SH3GL2: variants seen among roughly 807,000 people sequenced by gnomAD.
The protein encoded by SH3GL2 is endophilin-A1.
In SH3GL2, 24 loss-of-function variants were observed where a neutral mutation model predicts 46.0. The ratio of observed to expected loss-of-function variants is 0.52; its 90% CI spans 0.38 to 0.73. SH3GL2 has a LOEUF of 0.73. Ranked by LOEUF, SH3GL2 falls within the 30% of genes least tolerant of loss-of-function variation. The pLI, the probability that SH3GL2 is intolerant of heterozygous loss-of-function variation, is 0.00. For synonymous variants in SH3GL2, 196 were observed against 147.1 expected, an observed-to-expected ratio of 1.33 and a Z score of -2.40; for missense variants, 413 against 424.2, an observed-to-expected ratio of 0.97 and a Z score of 0.23.
At chr9:17,686,998 T>G (rs1444712136) in intron 1 of SH3GL2, among the ~76,000 whole-genome samples, 1 of 151,968 alleles carries the variant, frequency 6.6e-6, no homozygotes, top group Admixed American at 6.6e-5. Context: ...ACAATGGAAT[T>G]GCAACTGTGA....
At chr9:17,751,470 T>TTGTTTGTGCGTG (rs1433444435) in intron 2 of SH3GL2, among the ~76,000 whole-genome samples, 175 of 133,014 alleles carry the variant, frequency 1.3e-3, no homozygotes, top group African/African-American at 4.9e-3. Flanking sequence ...GTGTGTGTTT[T>TTGTTTGTGCGTG]TGTGTGTGCG....
intron 1 of SH3GL2, among the ~76,000 whole-genome samples, chr9:17,660,116 A>T (rs1442177886): frequency 6.6e-6 from 1 of 152,194 alleles, no homozygotes; most frequent in Non-Finnish European, 1.5e-5. Flanking sequence ...GCAGGGTAAG[A>T]ATTTAATAAG....
At chr9:17,768,370 C>CAAAA (rs34891273) in intron 3 of SH3GL2, among the ~76,000 whole-genome samples, 7 of 67,172 alleles carry the variant, frequency 1.0e-4, no homozygotes, top group African/African-American at 1.1e-4. Flanking sequence ...GACTCTGTCT[C>CAAAA]AAAAAAAAAA....
At chr9:17,685,266 C>T (rs1820873564) in intron 1 of SH3GL2, among the ~76,000 whole-genome samples, 2 of 152,078 alleles carry the variant, frequency 1.3e-5, no homozygotes, top group African/African-American at 4.8e-5. Context: ...GAAAACCCCT[C>T]AGGCAGGAAT....
Position 17,652,674 on chromosome 9 carries a change from G to C in SH3GL2, c.45+73387G>C, listed in dbSNP as rs528157993. ...TGCTCTGAAATCTGAACCTTTTTGA[G>C]CACCAACATGACACTCAAAGGAAAT... On this transcript the variant is annotated intron_variant, in intron 1 of 8. Coordinates refer to ENST00000380607, the MANE Select transcript of SH3GL2 (RefSeq NM_003026.5). Among the ~76,000 whole-genome samples the C allele has an allele frequency of 3.1e-3, 470 of 152,200 alleles. 2 individuals are homozygous for C. Among genetic ancestry groups the C allele is most frequent in the Non-Finnish European group, 3.4e-3 (232 of 68,002 alleles).
At chr9:17,737,737 G>A (rs1283172692) in intron 1 of SH3GL2, among the ~76,000 whole-genome samples, 1 of 151,938 alleles carries the variant, frequency 6.6e-6, no homozygotes, top group African/African-American at 2.4e-5. Context: ...TTAATTGTTG[G>A]TGATGCTCAG....
chr9:17,623,289 C>G (rs970387282), intron 1 of SH3GL2, among the ~76,000 whole-genome samples: 1 of 151,922 alleles, frequency 6.6e-6, no homozygotes, highest in African/African-American at 2.4e-5. Context: ...TGTGTCCTGT[C>G]CATAGGAGGA....
intron 1 of SH3GL2, among the ~76,000 whole-genome samples, chr9:17,690,773 C>T (rs1365455284): frequency 6.6e-6 from 1 of 152,042 alleles, no homozygotes; most frequent in Non-Finnish European, 1.5e-5. Flanking sequence ...AATACAAAGG[C>T]TGAAGAACTC....
Position 17,787,605 on chromosome 9 carries a change from C to A in SH3GL2, c.465+92C>A, listed in dbSNP as rs73424573. 8.1e-4 allele frequency: 843 copies of A among 1,037,322 alleles called. 5 individuals are homozygous for A. In the African/African-American group the frequency reaches 0.012, roughly 15 times the overall value. 64.3% of individuals were successfully genotyped at this position (1,037,322 alleles called of 1,614,324 possible). A position where few individuals can be genotyped will look rare whatever the true frequency, so the allele number is the denominator to read the frequency against. ...TTAGAAAACATTTTTTTAGCTTACCCTGTGTGTTGTCAGCTCTGGGCACGT... is the reference window on the plus strand; with the variant it reads ...TTAGAAAACATTTTTTTAGCTTACCATGTGTGTTGTCAGCTCTGGGCACGT... On this transcript the variant is annotated intron_variant, in intron 5 of 8. Coordinates refer to ENST00000380607, the MANE Select transcript of SH3GL2 (RefSeq NM_003026.5).
intron 1 of SH3GL2, among the ~76,000 whole-genome samples, chr9:17,687,704 G>A (rs1298513803): frequency 6.6e-6 from 1 of 150,910 alleles, no homozygotes; most frequent in Admixed American, 6.6e-5. Context: ...TAAAGTTTAA[G>A]TCGAGGATTT....
At chr9:17,597,163 G>C (rs191608706) in intron 1 of SH3GL2, among the ~76,000 whole-genome samples, 1 of 152,174 alleles carries the variant, frequency 6.6e-6, no homozygotes, top group Non-Finnish European at 1.5e-5. Flanking sequence ...ATACCAAATT[G>C]ATGTTTTTAT....
At chr9:17,749,248 A>G (rs1055412796) in intron 2 of SH3GL2, among the ~76,000 whole-genome samples, 3 of 152,218 alleles carry the variant, frequency 2.0e-5, no homozygotes, top group Non-Finnish European at 4.4e-5. Flanking sequence ...AGTTCTGGAA[A>G]TAATATTTTA....
chr9:17,735,342 T>G (rs934313659), intron 1 of SH3GL2, among the ~76,000 whole-genome samples: 1 of 152,116 alleles, frequency 6.6e-6, no homozygotes, highest in African/African-American at 2.4e-5. Flanking sequence ...TGTATGAGTA[T>G]AAGCACCCTG....
chr9:17,693,212 A>G (rs1448275488), intron 1 of SH3GL2, among the ~76,000 whole-genome samples: 2 of 152,126 alleles, frequency 1.3e-5, no homozygotes. Flanking sequence ...TCTGTTTTTG[A>G]GCAGAAAACG....
At chr9:17,751,481 T>C (rs879638814) in intron 2 of SH3GL2, among the ~76,000 whole-genome samples, 13 of 89,124 alleles carry the variant, frequency 1.5e-4, no homozygotes, top group South Asian at 5.3e-4. Flanking sequence ...TGTGTGTGCG[T>C]GTGTGTGTGT....
At chr9:17,682,092 A>G (rs1028431875) in intron 1 of SH3GL2, among the ~76,000 whole-genome samples, 18 of 152,184 alleles carry the variant, frequency 1.2e-4, no homozygotes, top group African/African-American at 3.9e-4. Flanking sequence ...AGAAATGGGA[A>G]CACTTTCACA....
chr9:17,592,808 G>T (rs1402565184), intron 1 of SH3GL2, among the ~76,000 whole-genome samples: 3 of 152,166 alleles, frequency 2.0e-5, no homozygotes, highest in Non-Finnish European at 4.4e-5. Flanking sequence ...ATGACCAGTG[G>T]CTGGGGACTC....
At chr9:17,733,295 C>CT (rs1190288663) in intron 1 of SH3GL2, among the ~76,000 whole-genome samples, 4 of 151,268 alleles carry the variant, frequency 2.6e-5, no homozygotes. Flanking sequence ...TATTATTATA[C>CT]TTTAAGTTTT....
intron 1 of SH3GL2, among the ~76,000 whole-genome samples, chr9:17,704,329 T>C (rs1265836383): frequency 6.6e-6 from 1 of 152,034 alleles, no homozygotes; most frequent in Non-Finnish European, 1.5e-5. Flanking sequence ...TGCTCACAGA[T>C]AGGAAGAATC....
Sources: allele counts gnomAD v4.1 joint callset (sites outside exome capture counted in the v4.1 genomes callset), GRCh38; gene constraint gnomAD v4.1.1; transcripts MANE v1.5; gene names NCBI Gene and HGNC (gene_info 2026-07-23, HGNC 2026-07-21).